ACSM4: variants seen among roughly 807,000 people sequenced by gnomAD.
ACSM4 encodes the protein acyl-coenzyme A synthetase ACSM4, mitochondrial.
Under a neutral mutation model 73.0 loss-of-function variants are expected in ACSM4, and 66 were observed. The ratio of observed to expected loss-of-function variants is 0.90; its 90% confidence interval spans 0.74 to 1.11. ACSM4 has a LOEUF of 1.11. Among genes scored for constraint, ACSM4 ranks in the 50% least tolerant of loss-of-function variants. The pLI is 0.00. For synonymous variants in ACSM4, 222 were observed against 254.0 expected, an observed-to-expected ratio of 0.87 and a Z score of 1.20; for missense variants, 645 against 714.4, an observed-to-expected ratio of 0.90 and a Z score of 1.11.
chr12:7,317,258 A>G lies in ACSM4; in HGVS notation c.742A>G (p.Ile248Val). 1 of 1,584,092 alleles carries G rather than the reference A, an allele frequency of 6.3e-7. No homozygotes were observed. The highest frequency in any genetic ancestry group is 8.6e-7 in the Non-Finnish European group (1 of 1,164,780). ...CCAGCACTCTCAGAGCAGCCTCGGC[A>G]TTGGGTTCACCCTCTGCGGAAGGTA... is the stretch of plus-strand genomic sequence containing the variant. Reference protein sequence around the residue: ...MAQHSQSSLGIGFTLCGRYWL... With the variant: ...MAQHSQSSLGVGFTLCGRYWL... Residue 248 changes from isoleucine to valine, a missense_variant, in exon 4 of 13, where the codon ATT (isoleucine) becomes GTT (valine). Physicochemically the swap from Ile to Val is conservative, Grantham distance 29 (BLOSUM62 3). Transcript: ENST00000399422.
At chr12:7,308,861 G>C (rs965383413) in intron 2 of ACSM4, among the ~76,000 whole-genome samples, 48 of 152,146 alleles carry the variant, frequency 3.2e-4, no homozygotes, top group African/African-American at 1.2e-3. Context: ...ACCAAGAAAT[G>C]AGTAGTTTGG....
chr12:7,328,498 G>A lies in ACSM4; in HGVS notation c.*125G>A. 1 of 748,056 alleles carries A rather than the reference G, an allele frequency of 1.3e-6. No individual in the cohort carries two copies. The highest frequency in any genetic ancestry group is 2.9e-5 in the South Asian group (1 of 34,088). The allele number at this position is 748,056 out of a possible 1,614,324, so 46.3% of individuals were successfully genotyped here. On this transcript the variant is annotated 3_prime_UTR_variant, in exon 13 of 13. Coordinates refer to ENST00000399422, the MANE Select transcript of ACSM4 (RefSeq NM_001080454.2). ...TTTCCTGCTTGAAAACTCAACTGTT[G>A]ATTTTTTGGTTTTTACTTAGCTAAA... is the stretch of plus-strand genomic sequence containing the variant.
chr12:7,321,000 G>A (rs1306731038), intron 6 of ACSM4, among the ~76,000 whole-genome samples, 196 bp downstream of exon 6: 3 of 152,134 alleles, frequency 2.0e-5, no homozygotes, highest in African/African-American at 7.2e-5. Context: ...GACTCTATTA[G>A]ACGCCAGTAG....
intron 3 of ACSM4, among the ~76,000 whole-genome samples, chr12:7,314,430 A>T (rs1946406883): frequency 6.6e-6 from 1 of 152,202 alleles, no homozygotes; most frequent in South Asian, 2.1e-4. Flanking sequence ...AAGGAAAGGA[A>T]GTCAGATAAT....
chr12:7,317,116 C>T (rs1946425911), intron 3 of ACSM4, 21 bp from the exon 4 acceptor site: 3 of 1,601,404 alleles, frequency 1.9e-6, no homozygotes, highest in Non-Finnish European at 1.7e-6. Flanking sequence ...CCACCGCCAT[C>T]TTGGGGTCCA....
chr12:7,328,348 G>C lies in ACSM4; in HGVS notation c.1718G>C (p.Arg573Thr). 6.3e-7 allele frequency: 1 copy of C among 1,593,990 alleles called. No individual in the cohort carries two copies. The highest frequency in any genetic ancestry group is 2.3e-5 in the East Asian group (1 of 44,234). ...ITGKIKRNVLRDQEWRGR is the reference protein window; with the variant it reads ...ITGKIKRNVLTDQEWRGR Reference sequence around the variant, plus strand: ...GGGAAAATCAAACGCAACGTTTTAAGAGACCAAGAATGGAGAGGAAGATAG... The same window carrying C: ...GGGAAAATCAAACGCAACGTTTTAACAGACCAAGAATGGAGAGGAAGATAG... Residue 573 changes from arginine to threonine, a missense_variant, in exon 13 of 13, where the codon AGA (arginine) becomes ACA (threonine). Physicochemically the swap from Arg to Thr is moderately conservative, Grantham distance 71. Transcript: ENST00000399422.
At chr12:7,325,024 A>G (rs975134392) in intron 11 of ACSM4, among the ~76,000 whole-genome samples, 1 of 152,052 alleles carries the variant, frequency 6.6e-6, no homozygotes, top group Non-Finnish European at 1.5e-5. Context: ...CACCTTAGCA[A>G]CCCTCCACCC....
intron 7 of ACSM4, 101 bp from the exon 8 acceptor site, chr12:7,323,133 C>T (rs1048726109): frequency 1.8e-6 from 2 of 1,132,774 alleles, no homozygotes; most frequent in Non-Finnish European, 1.3e-6. Context: ...CGCCTGCATA[C>T]CAGGAAAATC....
Sources: gnomAD v4.1 joint callset for allele counts (sites outside exome capture counted in the v4.1 genomes callset) on GRCh38, gnomAD v4.1.1 for gene constraint, MANE v1.5 for transcripts, NCBI Gene and HGNC (gene_info 2026-07-23, HGNC 2026-07-21) for gene names.